AADACL2: variants seen among roughly 807,000 people sequenced by gnomAD.
AADACL2 encodes arylacetamide deacetylase-like 2.
Under a neutral mutation model 22.3 loss-of-function variants are expected in AADACL2, and 23 were observed. The ratio of observed to expected loss-of-function variants is 1.03; its 90% CI spans 0.74 to 1.46. The LOEUF (loss-of-function observed/expected upper bound fraction) is 1.46, where lower values mean the gene tolerates loss of function less well. Ranked by LOEUF, AADACL2 falls within the 40% of genes most tolerant of loss-of-function variation. The pLI is 0.00. For missense variants in AADACL2, 472 were observed against 482.9 expected, an observed-to-expected ratio of 0.98 and a Z score of 0.21; for synonymous variants, 177 against 166.2, an observed-to-expected ratio of 1.07 and a Z score of -0.50.
intron 1 of AADACL2, among the ~76,000 whole-genome samples, chr3:151,738,134 C>A (rs1030466476): frequency 1.3e-5 from 2 of 151,976 alleles, no homozygotes; most frequent in African/African-American, 4.8e-5. Flanking sequence ...ATGTTTCTTT[C>A]CATATTTATT....
rs988572148 is a variant in AADACL2, at chr3:151,760,814, A to C, written c.*3220A>C. 2 of 152,068 alleles carry C rather than the reference A, an allele frequency of 1.3e-5. No individual in the cohort carries two copies. Among genetic ancestry groups the C allele is most frequent in the African/African-American group, 4.8e-5 (2 of 41,424 alleles). The allele number at this position is 152,068 out of a possible 1,614,324, so 9.4% of individuals were successfully genotyped here. ...AAGTTGGAGATCAAGGTGTCATCAC[A>C]CCATGGTCCCTCTGAAGGCACCAAG... On this transcript the variant is annotated 3_prime_UTR_variant, in exon 5 of 5. Coordinates refer to ENST00000356517, the MANE Select transcript of AADACL2 (RefSeq NM_207365.4).
At chr3:151,745,429 C>A in intron 3 of AADACL2, 80 bp from the exon 4 acceptor site, 1 of 1,372,858 alleles carries the variant, frequency 7.3e-7, no homozygotes, top group Non-Finnish European at 1.0e-6. Flanking sequence ...TAAAGACTGG[C>A]ATTAAATTGC....
chr3:151,743,701 C>T (rs946681961), intron 2 of AADACL2, among the ~76,000 whole-genome samples: 20 of 152,156 alleles, frequency 1.3e-4, no homozygotes, highest in Non-Finnish European at 4.4e-5. Flanking sequence ...TAAAAAATTA[C>T]ACCCAGAGTT....
At chr3:151,755,028 A>G (rs1355507811) in intron 4 of AADACL2, 1 of 152,210 alleles carries the variant, frequency 6.6e-6, no homozygotes, top group Admixed American at 6.6e-5. Flanking sequence ...GAAAGAACTA[A>G]GCTATAGATA....
Position 151,740,626 on chromosome 3 carries a change from T to G in AADACL2, c.139-20T>G, listed in dbSNP as rs747043342. 6.7e-6 allele frequency: 10 copies of G among 1,488,908 alleles called. No individual in the cohort carries two copies. The highest frequency in any genetic ancestry group is 9.2e-6 in the Non-Finnish European group (10 of 1,089,166). The allele number at this position is 1,488,908 out of a possible 1,614,324, so 92.2% of individuals were successfully genotyped here. A position where few individuals can be genotyped will look rare whatever the true frequency, so the allele number is the denominator to read the frequency against. On this transcript the variant is annotated intron_variant, in intron 1 of 4. Transcript: ENST00000356517. ...ATTTAAATATCTAAATATTTAATTT[T>G]GTTTGTTTTGTTCTTACAGGCTATG...
At chr3:151,737,003 T>TA (rs1315159627) in intron 1 of AADACL2, among the ~76,000 whole-genome samples, 1 of 152,184 alleles carries the variant, frequency 6.6e-6, no homozygotes, top group African/African-American at 2.4e-5. Flanking sequence ...CCTGACTTTT[T>TA]AATGATCGCC....
rs1186274130 is a variant in AADACL2 at position 151,759,619 on chromosome 3, C to T, written c.*2025C>T. On this transcript the variant is annotated 3_prime_UTR_variant, in exon 5 of 5. Coordinates refer to ENST00000356517, the MANE Select transcript of AADACL2 (RefSeq NM_207365.4). ...CAGAAAAGCACTTCTTTTTTTGCTA[C>T]ATAAGTATGTGGTAGAAATGTATGC... 1 of 152,190 alleles carries T rather than the reference C, an allele frequency of 6.6e-6. No individual in the cohort carries two copies. The highest frequency in any genetic ancestry group is 6.5e-5 in the Admixed American group (1 of 15,270). 9.4% of individuals were successfully genotyped at this position (152,190 alleles called of 1,614,324 possible).
At chr3:151,751,267 T>A (rs1051410458) in intron 4 of AADACL2, among the ~76,000 whole-genome samples, 4 of 152,188 alleles carry the variant, frequency 2.6e-5, no homozygotes, top group African/African-American at 9.7e-5. Flanking sequence ...TAAAATTTCA[T>A]CTGAAACCGG....
intron 1 of AADACL2, among the ~76,000 whole-genome samples, chr3:151,738,772 C>G (rs1162062835): frequency 1.3e-5 from 2 of 152,168 alleles, no homozygotes; most frequent in East Asian, 3.8e-4. Context: ...ATCCTTTCTT[C>G]CACTCGATTG....
chr3:151,739,783 C>A (rs1020174515), intron 1 of AADACL2, among the ~76,000 whole-genome samples: 1 of 152,148 alleles, frequency 6.6e-6, no homozygotes, highest in African/African-American at 2.4e-5. Flanking sequence ...TCCAACCAGT[C>A]CAAACCTCCC....
chr3:151,748,555 C>T (rs1215094819), intron 4 of AADACL2, among the ~76,000 whole-genome samples: 1 of 152,154 alleles, frequency 6.6e-6, no homozygotes, highest in Non-Finnish European at 1.5e-5. Flanking sequence ...TAGATTAATG[C>T]CCTTCAGAGG....
At chr3:151,734,481 T>G (rs986959416) in intron 1 of AADACL2, among the ~76,000 whole-genome samples, 5 of 152,202 alleles carry the variant, frequency 3.3e-5, no homozygotes, top group African/African-American at 1.2e-4. Context: ...TTTGAGAACT[T>G]GACTTAAATT....
At chr3:151,751,725 A>G (rs1390159174) in intron 4 of AADACL2, among the ~76,000 whole-genome samples, 1 of 152,022 alleles carries the variant, frequency 6.6e-6, no homozygotes, top group African/African-American at 2.4e-5. Context: ...AAGAAATAAC[A>G]ATTGGATGTA....
chr3:151,756,793 T>A (rs529705418), intron 4 of AADACL2, among the ~76,000 whole-genome samples, 199 bp from the exon 5 acceptor site: 1 of 151,750 alleles, frequency 6.6e-6, no homozygotes, highest in African/African-American at 2.4e-5. Context: ...AAAATCAATA[T>A]TTTTTAAAAC....
intron 1 of AADACL2, among the ~76,000 whole-genome samples, chr3:151,740,223 C>T (rs765873869): frequency 1.2e-4 from 19 of 152,324 alleles, no homozygotes; most frequent in East Asian, 1.9e-4. Context: ...AGTCCCTCAA[C>T]GGCTTCCCTT....
chr3:151,744,292 A>T (rs1380594896), intron 3 of AADACL2, 130 bp downstream of exon 3: 1 of 766,180 alleles, frequency 1.3e-6, no homozygotes, highest in South Asian at 2.1e-5. Flanking sequence ...CACCATTGCA[A>T]CATAGACTGC....
At chr3:151,750,222 C>T (rs946439203) in intron 4 of AADACL2, among the ~76,000 whole-genome samples, 1 of 152,162 alleles carries the variant, frequency 6.6e-6, no homozygotes, top group Non-Finnish European at 1.5e-5. Flanking sequence ...CTGTTGAATT[C>T]GGTTTGCTAG....
At chr3:151,745,830 T>C (rs1713426127) in intron 4 of AADACL2, 150 bp downstream of exon 4, 1 of 825,564 alleles carries the variant, frequency 1.2e-6, no homozygotes, top group African/African-American at 1.8e-5. Flanking sequence ...TATTTAACCT[T>C]AATGTGACTA....
intron 4 of AADACL2, among the ~76,000 whole-genome samples, chr3:151,749,658 T>C (rs1713590157): frequency 6.6e-6 from 1 of 152,016 alleles, no homozygotes; most frequent in Non-Finnish European, 1.5e-5. Flanking sequence ...AATTTTTGTA[T>C]TTTTAGTAGA....
Sources: allele counts gnomAD v4.1 joint callset (sites outside exome capture counted in the v4.1 genomes callset), GRCh38; gene constraint gnomAD v4.1.1; transcripts MANE v1.5; gene names NCBI Gene and HGNC (gene_info 2026-07-23, HGNC 2026-07-21).